The following NRXN3 variants were observed in gnomAD, a reference collection of about 807,000 sequenced individuals.
NRXN3 encodes neurexin 3, also known as neurexin III.
Under a neutral mutation model 137.6 loss-of-function variants are expected in NRXN3, and 32 were observed. The ratio of observed to expected loss-of-function variants is 0.23; its 90% CI spans 0.18 to 0.31. NRXN3 has a LOEUF of 0.31. NRXN3 is among the 10% of genes least tolerant of loss of function. The pLI, the probability that NRXN3 is intolerant of heterozygous loss-of-function variation, is 1.00. For synonymous variants in NRXN3, 798 were observed against 784.5 expected (o/e 1.02, Z -0.29); for missense variants, 1,574 against 2,062.5 (o/e 0.76, Z 4.59).
intron 20 of NRXN3, among the ~76,000 whole-genome samples, chr14:79,857,798 A>T (rs929729897): frequency 2.6e-5 from 4 of 152,196 alleles, no homozygotes; most frequent in African/African-American, 9.6e-5. Flanking sequence ...AACTAAAGGC[A>T]ATCTTCCCAC....
chr14:78,986,579 C>T (rs377207553), intron 14 of NRXN3, among the ~76,000 whole-genome samples: 2 of 151,974 alleles, frequency 1.3e-5, no homozygotes, highest in African/African-American at 4.8e-5. Flanking sequence ...TATACATGTA[C>T]TATTATTCTT....
At chr14:79,105,735 CAG>C (rs2052306526) in intron 15 of NRXN3, among the ~76,000 whole-genome samples, 1 of 152,114 alleles carries the variant, frequency 6.6e-6, no homozygotes, top group African/African-American at 2.4e-5. Flanking sequence ...ATCAGAGAAA[CAG>C]TGGAGAAACA....
At chr14:79,806,972 T>A (rs1358472456) in intron 20 of NRXN3, among the ~76,000 whole-genome samples, 21 of 86,592 alleles carry the variant, frequency 2.4e-4, no homozygotes, top group African/African-American at 3.9e-4. Context: ...ATTTTTTTTT[T>A]TTTTTTTTTT....
At chr14:79,531,170 A>G (rs1221449977) in intron 16 of NRXN3, among the ~76,000 whole-genome samples, 1 of 152,098 alleles carries the variant, frequency 6.6e-6, no homozygotes, top group Non-Finnish European at 1.5e-5. Context: ...GGAAAGTCCC[A>G]TTGCTTCCGT....
chr14:79,626,121 ACT>A (rs1193167075), intron 16 of NRXN3, among the ~76,000 whole-genome samples: 2 of 152,146 alleles, frequency 1.3e-5, no homozygotes, highest in Admixed American at 6.5e-5. Flanking sequence ...GTAACACAGC[ACT>A]CTGTTTAGTA....
chr14:79,304,216 T>C (rs142549678), intron 15 of NRXN3, among the ~76,000 whole-genome samples: 7 of 152,118 alleles, frequency 4.6e-5, no homozygotes, highest in African/African-American at 1.4e-4. Context: ...GACAGTTCAT[T>C]CAGCAGCAGG....
chr14:78,544,606 A>C (rs747492520), intron 4 of NRXN3, among the ~76,000 whole-genome samples: 20 of 152,252 alleles, frequency 1.3e-4, no homozygotes, highest in Non-Finnish European at 2.5e-4. Flanking sequence ...CAAGTAAGTT[A>C]AGGCTCATAG....
At chr14:79,227,250 T>C (rs1226479990) in intron 15 of NRXN3, among the ~76,000 whole-genome samples, 1 of 152,180 alleles carries the variant, frequency 6.6e-6, no homozygotes, top group Non-Finnish European at 1.5e-5. Context: ...AACAGACCAC[T>C]GATTCTGATG....
intron 15 of NRXN3, among the ~76,000 whole-genome samples, chr14:79,269,186 A>G (rs978823310): frequency 6.6e-6 from 1 of 152,044 alleles, no homozygotes; most frequent in Non-Finnish European, 1.5e-5. Flanking sequence ...AGTAGCTGGG[A>G]CTTCAGGTGC....
intron 4 of NRXN3, among the ~76,000 whole-genome samples, chr14:78,452,945 T>C (rs771774854): frequency 6.6e-6 from 1 of 152,232 alleles, no homozygotes; most frequent in Non-Finnish European, 1.5e-5. Context: ...TAATTAACCA[T>C]TGATGGAGTT....
intron 10 of NRXN3, among the ~76,000 whole-genome samples, chr14:78,949,335 T>C (rs1247016545): frequency 6.6e-6 from 1 of 152,184 alleles, no homozygotes; most frequent in Non-Finnish European, 1.5e-5. Context: ...TATTTACTAC[T>C]ATATGGAATG....
intron 10 of NRXN3, among the ~76,000 whole-genome samples, chr14:78,919,075 A>G (rs1232252978): frequency 6.6e-6 from 1 of 152,184 alleles, no homozygotes; most frequent in Non-Finnish European, 1.5e-5. Flanking sequence ...GTCTTTCTCA[A>G]TATCTGTTAT....
At chr14:79,189,189 A>G (rs1343780012) in intron 15 of NRXN3, among the ~76,000 whole-genome samples, 1 of 151,994 alleles carries the variant, frequency 6.6e-6, no homozygotes, top group African/African-American at 2.4e-5. Context: ...CATATACACC[A>G]TGGAATACTA....
intron 10 of NRXN3, among the ~76,000 whole-genome samples, chr14:78,926,762 T>TGCCAAA (rs2099296822): frequency 2.2e-5 from 1 of 44,618 alleles, no homozygotes; most frequent in African/African-American, 1.5e-4. Context: ...TATATATATA[T>TGCCAAA]TATATATATT....
chr14:78,635,293 A>G (rs2073569120), intron 4 of NRXN3, among the ~76,000 whole-genome samples: 2 of 152,206 alleles, frequency 1.3e-5, no homozygotes, highest in South Asian at 2.1e-4. Flanking sequence ...TAAAGTTCAT[A>G]TGGTAAAAAA....
rs1056091917 is a variant in NRXN3 at position 78,506,433 on chromosome 14, T to C, written c.758-138687T>C. Among the ~76,000 whole-genome samples the C allele has an allele frequency of 3.3e-5, 5 of 152,144 alleles. No individual in the cohort carries two copies. In the East Asian group the frequency reaches 9.6e-4, roughly 29 times the overall value. Reference sequence around the variant, plus strand: ...TCCTGGTATCAATTGTTTAGATATATGTCCAGAAGTGGGATTGCTGGATCA... The same window carrying C: ...TCCTGGTATCAATTGTTTAGATATACGTCCAGAAGTGGGATTGCTGGATCA... On this transcript the variant is annotated intron_variant, in intron 4 of 20. Transcript: ENST00000335750.
At chr14:79,317,818 G>T (rs1023068975) in intron 15 of NRXN3, among the ~76,000 whole-genome samples, 2 of 152,120 alleles carry the variant, frequency 1.3e-5, no homozygotes, top group Admixed American at 1.3e-4. Flanking sequence ...CACATTTAGT[G>T]TATAAATATA....
At chr14:78,508,302 G>A (rs1397865642) in intron 4 of NRXN3, among the ~76,000 whole-genome samples, 1 of 152,190 alleles carries the variant, frequency 6.6e-6, no homozygotes, top group Admixed American at 6.5e-5. Context: ...TGCTTGACAA[G>A]TCACACCAAG....
chr14:79,375,164 T>C (rs923691200), intron 15 of NRXN3, among the ~76,000 whole-genome samples: 2 of 151,954 alleles, frequency 1.3e-5, no homozygotes, highest in East Asian at 3.9e-4. Context: ...AGAAGAGGGG[T>C]TAAAACCTGA....
Sources: gnomAD v4.1 joint callset for allele counts (sites outside exome capture counted in the v4.1 genomes callset) on GRCh38, gnomAD v4.1.1 for gene constraint, MANE v1.5 for transcripts, NCBI Gene and HGNC (gene_info 2026-07-23, HGNC 2026-07-21) for gene names.